Variants in CACNA2D1 observed in about 807,000 individuals in gnomAD.
CACNA2D1 encodes calcium voltage-gated channel auxiliary subunit alpha2delta 1.
In CACNA2D1, 53 loss-of-function variants were observed where a neutral mutation model predicts 171.5. That is an observed-to-expected ratio of 0.31 (90% CI 0.25 to 0.39). The LOEUF (loss-of-function observed/expected upper bound fraction) is 0.39. CACNA2D1 is among the 10% of genes least tolerant of loss of function. The pLI is 1.00. For missense variants in CACNA2D1, 903 were observed against 1,299.8 expected, an observed-to-expected ratio of 0.69 and a Z score of 4.69; for synonymous variants, 442 against 443.1, an observed-to-expected ratio of 1.00 and a Z score of 0.03.
At chr7:82,258,866 C>A (rs1278917811) in intron 3 of CACNA2D1, among the ~76,000 whole-genome samples, 1 of 119,316 alleles carries the variant, frequency 8.4e-6, no homozygotes, top group Non-Finnish European at 1.6e-5. Context: ...GTTGCACAGG[C>A]TGGAGTGAAG....
rs71093370 is a variant in CACNA2D1, at chr7:82,232,861, C to CAAAAA, written c.295-62257_295-62253dup. ...CCTGGGCAACAGAGCGAGATGTCTC[C>CAAAAA]AAAAAAAAAAAAAAAAAAAAAAAAA... On this transcript the variant is annotated intron_variant, in intron 3 of 38. Transcript: ENST00000356860. 6.7e-4 allele frequency among the ~76,000 whole-genome samples: 35 copies of CAAAAA among 52,446 alleles called. 3 individuals carry two copies. Among genetic ancestry groups the CAAAAA allele is most frequent in the Middle Eastern group, 0.022 (1 of 46 alleles). The allele number at this position is 52,446 out of a possible 152,430, so 34.4% of individuals were successfully genotyped here. A position where few individuals can be genotyped will look rare whatever the true frequency, so the allele number is the denominator to read the frequency against.
intron 1 of CACNA2D1, among the ~76,000 whole-genome samples, chr7:82,415,745 T>A (rs1828107008): frequency 6.6e-6 from 1 of 152,020 alleles, no homozygotes; most frequent in Non-Finnish European, 1.5e-5. Context: ...TTTAGATTAA[T>A]CTTAATTTAA....
chr7:82,207,528 T>A (rs1405743987), intron 3 of CACNA2D1, among the ~76,000 whole-genome samples: 6 of 146,434 alleles, frequency 4.1e-5, no homozygotes, highest in East Asian at 2.0e-4. Flanking sequence ...GATTTGAGGT[T>A]AAAAAAAAAA....
chr7:82,067,219 A>G (rs777401292), intron 7 of CACNA2D1, among the ~76,000 whole-genome samples: 13 of 152,312 alleles, frequency 8.5e-5, no homozygotes, highest in South Asian at 4.1e-4. Context: ...TTTAATTAAA[A>G]TGCTTTACAA....
At chr7:82,221,083 G>C (rs1484862306) in intron 3 of CACNA2D1, among the ~76,000 whole-genome samples, 1 of 152,072 alleles carries the variant, frequency 6.6e-6, no homozygotes, top group African/African-American at 2.4e-5. Context: ...GCCCAGAAAA[G>C]TTTGTTAAAG....
chr7:82,302,315 C>T (rs1813114615), intron 3 of CACNA2D1, among the ~76,000 whole-genome samples: 1 of 152,040 alleles, frequency 6.6e-6, no homozygotes, highest in Admixed American at 6.5e-5. Flanking sequence ...AGAACAAGTA[C>T]ATCCAAACAT....
At chr7:81,964,176 G>A in intron 33 of CACNA2D1, 31 bp downstream of exon 33, 1 of 1,612,182 alleles carries the variant, frequency 6.2e-7, no homozygotes, top group Non-Finnish European at 8.5e-7. Context: ...AGTACCCCTT[G>A]AGAATTGATT....
intron 7 of CACNA2D1, among the ~76,000 whole-genome samples, chr7:82,070,139 A>T (rs531690888): frequency 1.3e-5 from 2 of 152,316 alleles, no homozygotes; most frequent in African/African-American, 2.4e-5. Context: ...TCATCCCAGA[A>T]TGGATCCTCC....
intron 2 of CACNA2D1, among the ~76,000 whole-genome samples, chr7:82,337,754 G>A (rs902225874): frequency 2.0e-5 from 3 of 152,130 alleles, no homozygotes; most frequent in Admixed American, 6.6e-5. Context: ...CTACTAGAAA[G>A]AATGTAGCAT....
At chr7:82,274,112 T>TC (rs1809005160) in intron 3 of CACNA2D1, among the ~76,000 whole-genome samples, 1 of 152,072 alleles carries the variant, frequency 6.6e-6, no homozygotes, top group Non-Finnish European at 1.5e-5. Context: ...ATCTTGGAAC[T>TC]CAAACAGCTC....
At chr7:82,214,845 G>A (rs1427904089) in intron 3 of CACNA2D1, among the ~76,000 whole-genome samples, 1 of 152,096 alleles carries the variant, frequency 6.6e-6, no homozygotes, top group Non-Finnish European at 1.5e-5. Flanking sequence ...AAACTATTAT[G>A]AAGTAATCTA....
intron 12 of CACNA2D1, among the ~76,000 whole-genome samples, chr7:82,030,393 G>T (rs1228240880): frequency 6.9e-6 from 1 of 145,720 alleles, no homozygotes; most frequent in Admixed American, 6.8e-5. Context: ...GATGTATAGA[G>T]AATTCCGAAA....
chr7:82,273,141 A>C (rs1205176116), intron 3 of CACNA2D1, among the ~76,000 whole-genome samples: 6 of 152,200 alleles, frequency 3.9e-5, no homozygotes, highest in Non-Finnish European at 7.3e-5. Context: ...TTGCCTAAAA[A>C]ATAATATCCA....
intron 3 of CACNA2D1, among the ~76,000 whole-genome samples, chr7:82,197,810 A>AC (rs1563189949): frequency 6.6e-6 from 1 of 150,762 alleles, no homozygotes; most frequent in Non-Finnish European, 1.5e-5. Flanking sequence ...AAACTATACA[A>AC]ACACACACAC....
At chr7:82,163,705 T>C (rs769495388) in intron 4 of CACNA2D1, among the ~76,000 whole-genome samples, 7 of 152,010 alleles carry the variant, frequency 4.6e-5, no homozygotes, top group Non-Finnish European at 7.4e-5. Flanking sequence ...GCACATTGAA[T>C]CCAGCTCAAA....
intron 1 of CACNA2D1, among the ~76,000 whole-genome samples, chr7:82,407,662 A>G (rs1331562595): frequency 1.3e-5 from 2 of 152,194 alleles, no homozygotes; most frequent in African/African-American, 4.8e-5. Flanking sequence ...GGTGGGAGAA[A>G]GATAAATAAG....
At chr7:82,212,372 A>G (rs370715067) in intron 3 of CACNA2D1, among the ~76,000 whole-genome samples, 247 of 152,338 alleles carry the variant, frequency 1.6e-3, no homozygotes, top group African/African-American at 5.7e-3. Flanking sequence ...GTTTATCTGA[A>G]ATTCAAATAT....
At chr7:82,079,710 G>A (rs1273585072) in intron 7 of CACNA2D1, among the ~76,000 whole-genome samples, 1 of 146,162 alleles carries the variant, frequency 6.8e-6, no homozygotes, top group African/African-American at 2.5e-5. Context: ...AAAAAAAAAA[G>A]TTGACGTCAT....
At chr7:82,037,383 G>A (rs1048411931) in intron 11 of CACNA2D1, among the ~76,000 whole-genome samples, 9 of 152,086 alleles carry the variant, frequency 5.9e-5, no homozygotes, top group Non-Finnish European at 1.3e-4. Flanking sequence ...GGAGGCTGAG[G>A]CAGGAAAATC....
Sources: allele counts gnomAD v4.1 joint callset (sites outside exome capture counted in the v4.1 genomes callset), GRCh38; gene constraint gnomAD v4.1.1; transcripts MANE v1.5; gene names NCBI Gene and HGNC (gene_info 2026-07-23, HGNC 2026-07-21).